SYNE2: variants seen among roughly 807,000 people sequenced by gnomAD.
The protein encoded by SYNE2 is nesprin-2.
Under a neutral mutation model 856.3 loss-of-function variants are expected in SYNE2, and 431 were observed. That is an observed-to-expected ratio of 0.50 (90% CI 0.47 to 0.55). SYNE2 has a LOEUF of 0.55. Among genes scored for constraint, SYNE2 ranks in the 20% least tolerant of loss-of-function variants. SYNE2 has a pLI of 0.00. For missense variants in SYNE2, 8,129 were observed against 8,023.2 expected, an observed-to-expected ratio of 1.01 and a Z score of -0.50; for synonymous variants, 2,923 against 2,872.3, an observed-to-expected ratio of 1.02 and a Z score of -0.56.
Position 64,101,934 on chromosome 14 carries a change from T to G in SYNE2, c.12384T>G (p.Asn4128Lys). The stretch of plus-strand genomic sequence containing the variant: ...TAACCAATCGTTTACTGTGATAGAA[T>G]GGAGATGAGAAGGCAGAGCCATCGC... The part of the protein sequence containing the change: ...EVEESSVKSD[N>K]GDEKAEPSPQ... Residue 4128 changes from asparagine (N) to lysine (K), a missense_variant and splice_region_variant, in exon 64 of 116, where the codon AAT (asparagine) becomes AAG (lysine). Around this residue, in one of 3 missense-constraint regions of SYNE2, gnomAD observed 5,410 missense variants for 5,284.8 expected, o/e 1.02. Transcript: ENST00000555002. 3.7e-6 allele frequency: 6 copies of G among 1,611,610 alleles called. No individual in the cohort carries two copies. The highest frequency in any genetic ancestry group is 5.1e-6 in the Non-Finnish European group (6 of 1,177,762).
intron 61 of SYNE2, chr14:64,095,269 AT>A: frequency 6.3e-6 from 1 of 159,262 alleles, no homozygotes. Context: ...AATTGTGGAC[AT>A]TTTTCTTTGA....
In SYNE2 at chr14:63,782,638, G is replaced by A. The variant is rs374472100; in HGVS notation, c.-305+20652G>A. Among the ~76,000 whole-genome samples, 11 of 151,964 alleles carry A rather than the reference G, an allele frequency of 7.2e-5. No homozygotes were observed. In the South Asian group the frequency reaches 2.3e-3, roughly 32 times the overall value. ...AAATAAGACTCTGTGAGCCCGTATT[G>A]ATAAGAATTAATGAATAAATAAATA... is the stretch of plus-strand genomic sequence containing the variant. On this transcript the variant is annotated intron_variant, in intron 1 of 23. Transcript: ENST00000674003.
intron 1 of SYNE2, among the ~76,000 whole-genome samples, chr14:63,822,207 A>T (rs1889246492): frequency 6.6e-6 from 1 of 152,146 alleles, no homozygotes; most frequent in South Asian, 2.1e-4. Flanking sequence ...AAACAAAGCA[A>T]AAACAAAAAA....
At chr14:64,224,576 C>T (rs376930821) in intron 114 of SYNE2, 29 bp downstream of exon 114, 91 of 1,612,120 alleles carry the variant, frequency 5.6e-5, no homozygotes, top group Non-Finnish European at 7.5e-5. Context: ...CTGTGAGAAC[C>T]TCACTGGTTA....
chr14:63,930,135 A>G lies in SYNE2; in HGVS notation c.80-10479A>G, dbSNP rs551678755. ...ACCCTGTCTCTACAAAAAATGAAAC[A>G]AGTTAGCTGGGCATGGTGGCATTTG... On this transcript the variant is annotated intron_variant, in intron 2 of 115. Transcript: ENST00000555002. Among the ~76,000 whole-genome samples, 3 of 152,116 alleles carry G rather than the reference A, an allele frequency of 2.0e-5. No homozygotes were observed. The South Asian group carries it at 6.2e-4, about 32-fold the overall frequency.
At chr14:64,097,900 G>A (rs1220781927) in intron 61 of SYNE2, 49 bp from the exon 62 acceptor site, 1 of 1,590,426 alleles carries the variant, frequency 6.3e-7, no homozygotes, top group East Asian at 2.2e-5. Flanking sequence ...CTCTGGGCCT[G>A]CAGAGGCCTC....
intron 1 of SYNE2, among the ~76,000 whole-genome samples, chr14:63,778,232 C>T (rs935445323): frequency 7.2e-5 from 11 of 152,144 alleles, no homozygotes; most frequent in Non-Finnish European, 1.5e-4. Context: ...TGCTCATGCC[C>T]TCTCACCTGC....
chr14:64,128,411 G>A (rs773921425), intron 73 of SYNE2, 41 bp from the exon 74 acceptor site: 1 of 1,032,200 alleles, frequency 9.7e-7, no homozygotes, highest in Non-Finnish European at 1.5e-6. Flanking sequence ...GATAATGAAG[G>A]CCTAAATGAG....
Position 64,076,043 on chromosome 14 carries a change from A to G in SYNE2, c.10965A>G (p.Ala3655=), listed in dbSNP as rs762605398. 1.2e-6 allele frequency: 2 copies of G among 1,613,902 alleles called. No individual in the cohort carries two copies. The highest frequency in any genetic ancestry group is 1.1e-5 in the South Asian group (1 of 91,084). The part of the protein sequence containing the change: ...KYSEMYTIVP[A]EIESQVEECR... ...CCGAAATGTACACCATAGTCCCTGC[A>G]GAGATTGAATCCCAGGTGGAAGAAT... The change falls in exon 54 of 116, where the codon GCA becomes GCG. Residue 3655 remains alanine (A), a synonymous_variant. Transcript: ENST00000555002.
chr14:64,190,948 A>G, intron 99 of SYNE2: 1 of 702,246 alleles, frequency 1.4e-6, no homozygotes, highest in South Asian at 1.5e-5. Flanking sequence ...TTCAGTGGCC[A>G]CGTGGCATAC....
intron 1 of SYNE2, among the ~76,000 whole-genome samples, chr14:63,882,990 GTT>G (rs140294720): frequency 5.7e-4 from 78 of 136,414 alleles, no homozygotes; most frequent in South Asian, 1.1e-3. Context: ...TAAGCACTCT[GTT>G]TTTTTTTTTT....
At chr14:64,079,877 T>A (rs1226635083) in intron 55 of SYNE2, among the ~76,000 whole-genome samples, 1 of 152,084 alleles carries the variant, frequency 6.6e-6, no homozygotes, top group Non-Finnish European at 1.5e-5. Flanking sequence ...CCTGGCTAAG[T>A]TTTGTAGAGA....
At chr14:64,045,761 C>A (rs1433851123) in intron 45 of SYNE2, among the ~76,000 whole-genome samples, 1 of 152,184 alleles carries the variant, frequency 6.6e-6, no homozygotes, top group Admixed American at 6.5e-5. Context: ...AAACCAGTAA[C>A]CCTGGACAGT....
chr14:63,803,513 A>C (rs1888241127), intron 1 of SYNE2, among the ~76,000 whole-genome samples: 1 of 152,202 alleles, frequency 6.6e-6, no homozygotes, highest in African/African-American at 2.4e-5. Context: ...TCCGGGTGCT[A>C]AGTCCCTCAT....
chr14:63,817,537 CT>C (rs1339570461), intron 1 of SYNE2, among the ~76,000 whole-genome samples: 2 of 152,122 alleles, frequency 1.3e-5, no homozygotes, highest in Admixed American at 1.3e-4. Context: ...CCACCCACTT[CT>C]TTTTCCAGCC....
intron 45 of SYNE2, among the ~76,000 whole-genome samples, chr14:64,039,084 C>G (rs2153559765): frequency 6.6e-6 from 1 of 152,274 alleles, no homozygotes; most frequent in South Asian, 2.1e-4. Flanking sequence ...GCCTCTGAGA[C>G]TGTGTTGATC....
At chr14:63,935,277 T>C (rs2095816210) in intron 2 of SYNE2, among the ~76,000 whole-genome samples, 1 of 152,234 alleles carries the variant, frequency 6.6e-6, no homozygotes, top group South Asian at 2.1e-4. Context: ...GAGCACCCTA[T>C]AAAGTGTATA....
chr14:63,901,821 G>A (rs943933245), intron 1 of SYNE2, among the ~76,000 whole-genome samples: 1 of 152,116 alleles, frequency 6.6e-6, no homozygotes, highest in African/African-American at 2.4e-5. Context: ...CTACTTGGGA[G>A]GACGAGGTGG....
intron 7 of SYNE2, 114 bp downstream of exon 7, chr14:63,950,120 C>G: frequency 8.6e-7 from 1 of 1,168,466 alleles, no homozygotes; most frequent in Non-Finnish European, 1.3e-6. Context: ...TATCCCCCTT[C>G]CTCTCTGTGC....
Sources: gnomAD v4.1 joint callset for allele counts (sites outside exome capture counted in the v4.1 genomes callset) on GRCh38, gnomAD v4.1.1 for gene constraint, gnomAD v4.1.1 regional missense constraint, MANE v1.5 for transcripts, NCBI Gene and HGNC (gene_info 2026-07-23, HGNC 2026-07-21) for gene names.